ATAD1: variants seen among roughly 807,000 people sequenced by gnomAD.
ATAD1 encodes outer mitochondrial transmembrane helix translocase.
In ATAD1, 18 loss-of-function variants were observed where a neutral mutation model predicts 42.7. The observed-to-expected ratio is 0.42, with a 90% CI of 0.29 to 0.63. The LOEUF (loss-of-function observed/expected upper bound fraction) is 0.63. Among genes scored for constraint, ATAD1 ranks in the 20% least tolerant of loss-of-function variants. The pLI is 0.19. For synonymous variants in ATAD1, 132 were observed against 143.1 expected, an observed-to-expected ratio of 0.92 and a Z score of 0.55; for missense variants, 294 against 440.4, an observed-to-expected ratio of 0.67 and a Z score of 2.98.
chr10:87,769,725 C>T (rs1854939380), intron 7 of ATAD1, among the ~76,000 whole-genome samples: 2 of 152,068 alleles, frequency 1.3e-5, no homozygotes. Context: ...GCAGGCATAT[C>T]ATCTGAGGTC....
chr10:87,798,526 C>T (rs1041266012), intron 2 of ATAD1, among the ~76,000 whole-genome samples: 1 of 151,716 alleles, frequency 6.6e-6, no homozygotes, highest in Admixed American at 6.6e-5. Context: ...AAGATAAAAA[C>T]CACTGTTTGG....
At chr10:87,796,120 ATCT>A (rs1337162284) in intron 2 of ATAD1, among the ~76,000 whole-genome samples, 1 of 152,218 alleles carries the variant, frequency 6.6e-6, no homozygotes, top group Admixed American at 6.5e-5. Flanking sequence ...CTGGAAAAAC[ATCT>A]TCTACACATG....
upstream of ATAD1, among the ~76,000 whole-genome samples, chr10:87,821,517 G>A (rs751116237): frequency 1.3e-5 from 2 of 151,982 alleles, no homozygotes; most frequent in African/African-American, 2.4e-5. Context: ...GGACAACAGA[G>A]TGAGATTCCA....
chr10:87,795,902 C>T (rs1287319623), intron 2 of ATAD1, among the ~76,000 whole-genome samples: 3 of 152,086 alleles, frequency 2.0e-5, no homozygotes, highest in South Asian at 2.1e-4. Flanking sequence ...CAGAGATGAA[C>T]GAATTAAACT....
chr10:87,765,410 G>A (rs567802637), intron 8 of ATAD1, among the ~76,000 whole-genome samples: 6 of 139,094 alleles, frequency 4.3e-5, no homozygotes, highest in Admixed American at 1.7e-4. Context: ...AGTTTGGAAA[G>A]TGTGGAAAAT....
intron 4 of ATAD1, among the ~76,000 whole-genome samples, chr10:87,787,623 A>C (rs539685123): frequency 6.6e-6 from 1 of 152,276 alleles, no homozygotes; most frequent in Admixed American, 6.5e-5. Flanking sequence ...AAAGGATAAG[A>C]ACAAAAAAAG....
At chr10:87,784,342 A>G in intron 5 of ATAD1, 128 bp downstream of exon 5, 1 of 793,332 alleles carries the variant, frequency 1.3e-6, no homozygotes, top group Non-Finnish European at 2.0e-6. Flanking sequence ...TATACATAGC[A>G]TATTATGATG....
In ATAD1 at chr10:87,787,185, G is replaced by A. The variant is rs563552100; in HGVS notation, c.383-2515C>T. Among the ~76,000 whole-genome samples, 12 of 152,286 alleles carry A rather than the reference G, an allele frequency of 7.9e-5. No homozygotes were observed. The East Asian group carries it at 2.1e-3, about 27-fold the overall frequency. On this transcript the variant is annotated intron_variant, in intron 4 of 9. Transcript: ENST00000680024. The stretch of plus-strand genomic sequence containing the variant: ...TAAATTAGTTCTTTGAGCTTAATCT[G>A]ATACTTTTATAACCAACTTCAACAA...
At chr10:87,794,125 G>T (rs1001530168) in intron 2 of ATAD1, among the ~76,000 whole-genome samples, 5 of 152,084 alleles carry the variant, frequency 3.3e-5, no homozygotes, top group Admixed American at 1.3e-4. Context: ...GAGGCTGAGG[G>T]AGGAGGATTA....
At chr10:87,792,624 A>T in intron 3 of ATAD1, 33 bp downstream of exon 3, 3 of 1,448,920 alleles carry the variant, frequency 2.1e-6, no homozygotes, top group South Asian at 1.2e-5. Context: ...CCCCACCTCT[A>T]AAAAAATCTT....
At chr10:87,761,844 T>C (rs977178518) in intron 8 of ATAD1, among the ~76,000 whole-genome samples, 1 of 152,126 alleles carries the variant, frequency 6.6e-6, no homozygotes, top group South Asian at 2.1e-4. Flanking sequence ...CACTGCAGCC[T>C]TGAACTTCTA....
intron 1 of ATAD1, among the ~76,000 whole-genome samples, chr10:87,833,634 C>T (rs1857874898): frequency 6.6e-6 from 1 of 150,420 alleles, no homozygotes; most frequent in Admixed American, 6.6e-5. Context: ...GTGAAATCCC[C>T]TTCTACCCTC....
intron 6 of ATAD1, among the ~76,000 whole-genome samples, chr10:87,775,183 G>A: frequency 6.6e-6 from 1 of 151,922 alleles, no homozygotes; most frequent in Non-Finnish European, 1.5e-5. Context: ...CACTTCAGGA[G>A]GGTGAGGTGG....
At chr10:87,797,912 A>G (rs1023537521) in intron 2 of ATAD1, among the ~76,000 whole-genome samples, 1 of 152,192 alleles carries the variant, frequency 6.6e-6, no homozygotes, top group African/African-American at 2.4e-5. Flanking sequence ...GGTAAATGAC[A>G]GATTGAGTTT....
intron 3 of ATAD1, among the ~76,000 whole-genome samples, chr10:87,792,314 A>G (rs566056036): frequency 6.6e-6 from 1 of 152,296 alleles, no homozygotes; most frequent in East Asian, 1.9e-4. Flanking sequence ...ACCAGCCCCC[A>G]ATAAATATGT....
rs553136699 is a variant in ATAD1, at chr10:87,814,341, A to G, written c.162+97T>C. On this transcript the variant is annotated intron_variant, in intron 2 of 9. Transcript: ENST00000680024. ...TACATTTTCATGTGGGTCTTATAGA[A>G]TTTCTCATTAATTTGTGAACTCTAC... 15 of 1,161,188 alleles carry G rather than the reference A, an allele frequency of 1.3e-5. No individual in the cohort carries two copies. In the East Asian group the frequency reaches 2.7e-4, roughly 21 times the overall value. 71.9% of individuals were successfully genotyped at this position (1,161,188 alleles called of 1,614,324 possible).
Position 87,751,566 on chromosome 10 carries a change from A to T in ATAD1, c.*3121T>A, listed in dbSNP as rs1469938733. 1 of 152,222 alleles carries T rather than the reference A, an allele frequency of 6.6e-6. No individual in the cohort carries two copies. Among genetic ancestry groups the T allele is most frequent in the Non-Finnish European group, 1.5e-5 (1 of 68,038 alleles). The allele number at this position is 152,222 out of a possible 1,614,324, so 9.4% of individuals were successfully genotyped here. On this transcript the variant is annotated 3_prime_UTR_variant, in exon 10 of 10. Coordinates refer to ENST00000680024, the MANE Select transcript of ATAD1 (RefSeq NM_001321967.2). ...TCAAGTTCTCCTCAATATGATTTTCATTAACATCATGATTTAGGCAGAATG... is the reference window on the plus strand; with the variant it reads ...TCAAGTTCTCCTCAATATGATTTTCTTTAACATCATGATTTAGGCAGAATG...
chr10:87,754,888 A>C (rs986122379), intron 9 of ATAD1, 81 bp from the exon 10 acceptor site: 14 of 1,506,168 alleles, frequency 9.3e-6, no homozygotes, highest in Non-Finnish European at 1.2e-5. Context: ...GATTTAAAAG[A>C]GATGCATGTG....
chr10:87,793,530 A>C (rs1394034663), intron 2 of ATAD1, among the ~76,000 whole-genome samples: 2 of 152,196 alleles, frequency 1.3e-5, no homozygotes, highest in Non-Finnish European at 2.9e-5. Flanking sequence ...AAGAAACTGA[A>C]GTTTAGCATG....
Sources: gnomAD v4.1 joint callset for allele counts (sites outside exome capture counted in the v4.1 genomes callset) on GRCh38, gnomAD v4.1.1 for gene constraint, MANE v1.5 for transcripts, NCBI Gene and HGNC (gene_info 2026-07-23, HGNC 2026-07-21) for gene names.